The following MAF variants were observed in gnomAD, a reference collection of about 807,000 sequenced individuals.
MAF encodes transcription factor Maf.
Under a neutral mutation model 22.0 loss-of-function variants are expected in MAF, and 10 were observed. That is an observed-to-expected ratio of 0.45 (90% confidence interval 0.28 to 0.77). The LOEUF is 0.77. Among genes scored for constraint, MAF ranks in the 30% least tolerant of loss-of-function variants. The probability of loss-of-function intolerance (pLI) is 0.12; values close to 1 mark genes in which losing one functional copy is unlikely to be tolerated. For synonymous variants in MAF, 337 were observed against 255.8 expected, an observed-to-expected ratio of 1.32 and a Z score of -3.03; for missense variants, 544 against 548.4, an observed-to-expected ratio of 0.99 and a Z score of 0.08.
the MAF span, among the ~76,000 whole-genome samples, chr16:79,565,767 A>G: frequency 6.6e-6 from 1 of 152,158 alleles, no homozygotes; most frequent in African/African-American, 2.4e-5. Context: ...GTATGTGTTT[A>G]TTAGTATAAG....
chr16:79,539,606 G>A, the MAF span, among the ~76,000 whole-genome samples: 1 of 152,164 alleles, frequency 6.6e-6, no homozygotes, highest in African/African-American at 2.4e-5. Context: ...CAGAGATTCA[G>A]ACTAAGATTT....
rs1382132771 is a variant in MAF at position 79,599,572 on chromosome 16, C to G, written c.331G>C (p.Glu111Gln). Residue 111 changes from glutamate to glutamine, a missense_variant, in exon 1 of 2, where the codon GAG becomes CAG. Glu to Gln is a conservative substitution (Grantham distance 29, BLOSUM62 2). Around this residue, in one of 5 missense-constraint regions of MAF, gnomAD observed 342 missense variants for 315.5 expected, o/e 1.08. Coordinates refer to ENST00000326043, the MANE Select transcript of MAF (RefSeq NM_005360.5). ...CTGATGAGCGCCTCGACCGCGTCCT[C>G]GGGGCTGAAGCCCAGCGCCTCGGGG... ...LNPEALGFSP[E>Q]DAVEALISNS... The G allele has an allele frequency of 6.3e-7, 1 of 1,599,614 alleles. No individual in the cohort carries two copies. Among genetic ancestry groups the G allele is most frequent in the Admixed American group, 1.7e-5 (1 of 58,006 alleles).
the MAF span, among the ~76,000 whole-genome samples, chr16:79,569,587 T>C: frequency 6.6e-6 from 1 of 152,142 alleles, no homozygotes; most frequent in African/African-American, 2.4e-5. Flanking sequence ...AAACTCGGGG[T>C]GAGGCCATGC....
chr16:79,221,688 C>T, the MAF span, among the ~76,000 whole-genome samples: 3 of 151,922 alleles, frequency 2.0e-5, no homozygotes, highest in Non-Finnish European at 4.4e-5. Flanking sequence ...TGTGTGTGTA[C>T]ATGTGCATGA....
the MAF span, among the ~76,000 whole-genome samples, chr16:79,208,220 C>A: frequency 6.6e-6 from 1 of 152,184 alleles, no homozygotes; most frequent in African/African-American, 2.4e-5. Flanking sequence ...AAATGGCATT[C>A]GGGCATGATT....
At chr16:79,491,544 G>C in the MAF span, among the ~76,000 whole-genome samples, 1 of 152,156 alleles carries the variant, frequency 6.6e-6, no homozygotes, top group East Asian at 1.9e-4. Context: ...CAACATCCCA[G>C]GTAGAACCTT....
chr16:79,499,795 C>T, the MAF span, among the ~76,000 whole-genome samples: 1 of 152,134 alleles, frequency 6.6e-6, no homozygotes, highest in South Asian at 2.1e-4. Context: ...GTTTCAGTAG[C>T]CTCAAAAGAC....
chr16:79,337,782 C>T, the MAF span, among the ~76,000 whole-genome samples: 126 of 152,262 alleles, frequency 8.3e-4, 1 homozygote, highest in African/African-American at 2.9e-3. Flanking sequence ...AAGATCCTAT[C>T]GGACAGTGCT....
intron 1 of MAF, chr16:79,597,158 AC>A (rs1913581838): frequency 3.8e-6 from 4 of 1,056,492 alleles, no homozygotes; most frequent in Non-Finnish European, 4.6e-6. Flanking sequence ...ACCCCCCTTA[AC>A]ATCACAATAG....
chr16:79,516,586 T>C, the MAF span, among the ~76,000 whole-genome samples: 1 of 152,228 alleles, frequency 6.6e-6, no homozygotes, highest in African/African-American at 2.4e-5. Flanking sequence ...ATTTGTCAAA[T>C]GTTTACTCTG....
At chr16:79,391,477 A>G in the MAF span, among the ~76,000 whole-genome samples, 1 of 152,270 alleles carries the variant, frequency 6.6e-6, no homozygotes, top group South Asian at 2.1e-4. Context: ...GTTTTATTTC[A>G]TGGCAGTTAA....
chr16:79,401,342 T>C, the MAF span, among the ~76,000 whole-genome samples: 1 of 152,196 alleles, frequency 6.6e-6, no homozygotes, highest in Non-Finnish European at 1.5e-5. Context: ...CATTCTCTCA[T>C]GGAACTCTCT....
At chr16:79,303,893 A>T in the MAF span, among the ~76,000 whole-genome samples, 1 of 152,196 alleles carries the variant, frequency 6.6e-6, no homozygotes, top group South Asian at 2.1e-4. Context: ...AACTTATGTC[A>T]TGTCAAAATG....
the MAF span, among the ~76,000 whole-genome samples, chr16:79,446,563 G>T: frequency 3.3e-5 from 5 of 152,124 alleles, no homozygotes; most frequent in Non-Finnish European, 7.4e-5. Flanking sequence ...AAAAGCTAAA[G>T]CCCCATTATG....
the MAF span, among the ~76,000 whole-genome samples, chr16:79,281,761 G>T: frequency 7.3e-3 from 1,112 of 151,960 alleles, 14 homozygotes; most frequent in African/African-American, 0.025. Flanking sequence ...TGGCCAGGAT[G>T]GTCTCCATCT....
the MAF span, among the ~76,000 whole-genome samples, chr16:79,475,867 T>C: frequency 6.6e-6 from 1 of 152,184 alleles, no homozygotes; most frequent in African/African-American, 2.4e-5. Context: ...GTGTGGCCTG[T>C]GCTCTTGTAA....
At chr16:79,399,610 C>G in the MAF span, among the ~76,000 whole-genome samples, 1 of 152,106 alleles carries the variant, frequency 6.6e-6, no homozygotes. Flanking sequence ...ACGCCCCAGC[C>G]AGGGAGGGGT....
the MAF span, among the ~76,000 whole-genome samples, chr16:79,443,172 C>A: frequency 1.3e-5 from 2 of 152,242 alleles, no homozygotes; most frequent in East Asian, 3.9e-4. Context: ...TCTCCTGCCT[C>A]TCTCCTTGGT....
the MAF span, among the ~76,000 whole-genome samples, chr16:79,545,390 A>G: frequency 6.6e-6 from 1 of 152,160 alleles, no homozygotes; most frequent in Non-Finnish European, 1.5e-5. Flanking sequence ...TTGTTCAAAA[A>G]GTATCAAGAG....
Sources: gnomAD v4.1 joint callset for allele counts (sites outside exome capture counted in the v4.1 genomes callset) on GRCh38, gnomAD v4.1.1 for gene constraint, gnomAD v4.1.1 regional missense constraint, MANE v1.5 for transcripts, NCBI Gene and HGNC (gene_info 2026-07-23, HGNC 2026-07-21) for gene names.